The following ZNF229 variants were observed in gnomAD, a reference collection of about 807,000 sequenced individuals.
ZNF229 encodes zinc finger protein 229.
In ZNF229, 10 loss-of-function variants were observed where a neutral mutation model predicts 11.8. The observed-to-expected ratio is 0.85, with a 90% CI of 0.52 to 1.44. The LOEUF is 1.44. Ranked by LOEUF, ZNF229 falls within the 40% of genes most tolerant of loss-of-function variation. The probability of loss-of-function intolerance (pLI) is 0.00; values close to 1 mark genes in which losing one functional copy is unlikely to be tolerated. For synonymous variants in ZNF229, 368 were observed against 374.8 expected (o/e 0.98, Z 0.21); for missense variants, 1,045 against 1,015.1 (o/e 1.03, Z -0.40).
rs56092297 is a variant in ZNF229 at position 44,427,722 on chromosome 19, T to C, written c.*581A>G. On this transcript the variant is annotated 3_prime_UTR_variant, in exon 6 of 6. Coordinates refer to ENST00000614049, the MANE Select transcript of ZNF229 (RefSeq NM_014518.4). ...AAAGCTGTAAAGCTTACCTGCAAGA[T>C]AAAACAGTCATAAAAACATGATAAA... 0.025 allele frequency: 3,888 copies of C among 152,618 alleles called. 61 individuals are homozygous for C. The highest frequency in any genetic ancestry group is 0.065 in the Middle Eastern group (19 of 294). The allele number at this position is 152,618 out of a possible 1,614,324, so 9.5% of individuals were successfully genotyped here. A position where few individuals can be genotyped will look rare whatever the true frequency, so the allele number is the denominator to read the frequency against.
At chr19:44,438,856 C>T (rs959738750) in intron 4 of ZNF229, among the ~76,000 whole-genome samples, 3 of 152,228 alleles carry the variant, frequency 2.0e-5, no homozygotes, top group Non-Finnish European at 4.4e-5. Flanking sequence ...CCATGCATCT[C>T]TTCATCTGTA....
chr19:44,436,915 G>A lies in ZNF229; in HGVS notation c.94-4549C>T, dbSNP rs1971825247. 4.0e-5 allele frequency among the ~76,000 whole-genome samples: 6 copies of A among 151,842 alleles called. No individual in the cohort carries two copies. The South Asian group carries it at 1.2e-3, about 32-fold the overall frequency. On this transcript the variant is annotated intron_variant, in intron 4 of 5. Coordinates refer to ENST00000614049, the MANE Select transcript of ZNF229 (RefSeq NM_014518.4). ...ATTTGATATGTATACATACATATATGTGTGTGTATATATATATATTTTATA... is the reference window on the plus strand; with the variant it reads ...ATTTGATATGTATACATACATATATATGTGTGTATATATATATATTTTATA...
chr19:44,436,867 GCTGTATTTCCTT>G, intron 4 of ZNF229, among the ~76,000 whole-genome samples: 1 of 152,076 alleles, frequency 6.6e-6, no homozygotes. Flanking sequence ...TCAATCAATT[GCTGTATTTCCTT>G]CTGTCTTTGT....
At chr19:44,445,014 C>T (rs924951668) in intron 2 of ZNF229, among the ~76,000 whole-genome samples, 1 of 152,214 alleles carries the variant, frequency 6.6e-6, no homozygotes, top group African/African-American at 2.4e-5. Context: ...GCCATCTCCA[C>T]TCTTATGTCT....
At position 44,448,315 on chromosome 19, in the gene ZNF229, G is replaced by C. The variant is rs924170026; in HGVS notation, c.-272C>G. ...CCTTACACCCCTGCCTCACCAGGCC[G>C]AGCTCATGGAAATCCGTGGGCTTCG... is the stretch of plus-strand genomic sequence containing the variant. On this transcript the variant is annotated 5_prime_UTR_variant, in exon 1 of 6. Coordinates refer to ENST00000614049, the MANE Select transcript of ZNF229 (RefSeq NM_014518.4). The C allele has an allele frequency of 1.3e-5, 2 of 152,264 alleles. No individual in the cohort carries two copies. Among genetic ancestry groups the C allele is most frequent in the Non-Finnish European group, 2.9e-5 (2 of 68,110 alleles). 9.4% of individuals were successfully genotyped at this position (152,264 alleles called of 1,614,324 possible).
chr19:44,432,135 T>TA, intron 5 of ZNF229, 87 bp downstream of exon 5: 1 of 1,500,306 alleles, frequency 6.7e-7, no homozygotes, highest in Non-Finnish European at 8.9e-7. Context: ...AAGAGTTCTA[T>TA]AAAAATAGGA....
At chr19:44,432,421 C>T in intron 4 of ZNF229, 55 bp from the exon 5 acceptor site, 1 of 1,591,704 alleles carries the variant, frequency 6.3e-7, no homozygotes, top group Non-Finnish European at 8.5e-7. Context: ...AAACTGGTGT[C>T]CACAGAGCAG....
Position 44,442,615 on chromosome 19 carries a change from T to C in ZNF229, c.41A>G (p.His14Arg). 5 of 1,613,990 alleles carry C rather than the reference T, an allele frequency of 3.1e-6. No individual in the cohort carries two copies. The highest frequency in any genetic ancestry group is 3.4e-6 in the Non-Finnish European group (4 of 1,179,978). Residue 14 changes from histidine (H) to arginine (R), a missense_variant, in exon 4 of 6, where the codon CAT becomes CGT. His to Arg is a conservative substitution (Grantham distance 29, BLOSUM62 0). Transcript: ENST00000614049. ...LTSRHEKRAL[H>R]SQASAISQDR... The stretch of plus-strand genomic sequence containing the variant: ...TTGGGAAATGGCTGAGGCTTGAGAA[T>C]GAAGAGCTGTAGGAGGAGAAAGAGG...
At chr19:44,433,230 A>AT (rs1290328294) in intron 4 of ZNF229, among the ~76,000 whole-genome samples, 1 of 151,882 alleles carries the variant, frequency 6.6e-6, no homozygotes, top group African/African-American at 2.4e-5. Flanking sequence ...GCTAATTTTT[A>AT]TTTTTTTGTA....
intron 2 of ZNF229, among the ~76,000 whole-genome samples, chr19:44,444,504 C>T (rs1250376108): frequency 6.6e-6 from 1 of 152,156 alleles, no homozygotes; most frequent in Non-Finnish European, 1.5e-5. Flanking sequence ...CCCTCCTACA[C>T]AAAGGACAAA....
At position 44,430,324 on chromosome 19, in the gene ZNF229, T is replaced by G. The variant is rs375016098; in HGVS notation, c.457A>C (p.Ile153Leu). 4.2e-5 allele frequency: 67 copies of G among 1,613,928 alleles called. No individual in the cohort carries two copies. The highest frequency in any genetic ancestry group is 5.5e-5 in the Non-Finnish European group (65 of 1,180,002). ...TGTAGACTGTCCAGGAAATTCTCAATTGGAAAACACGGCGTAGATGCTCCT... is the reference window on the plus strand; with the variant it reads ...TGTAGACTGTCCAGGAAATTCTCAAGTGGAAAACACGGCGTAGATGCTCCT... Reference protein sequence around the residue: ...WEGASTPCFPIENFLDSLQGD... With the variant: ...WEGASTPCFPLENFLDSLQGD... Residue 153 changes from isoleucine (I) to leucine (L), a missense_variant, in exon 6 of 6, where the codon ATT becomes CTT. Transcript: ENST00000614049.
chr19:44,428,140 T>G lies in ZNF229; in HGVS notation c.*163A>C, dbSNP rs79232370. 1.8e-3 allele frequency: 1,326 copies of G among 732,016 alleles called. 5 individuals are homozygous for G. The highest frequency in any genetic ancestry group is 2.5e-3 in the South Asian group (117 of 47,064). 45.3% of individuals were successfully genotyped at this position (732,016 alleles called of 1,614,324 possible). A position where few individuals can be genotyped will look rare whatever the true frequency, so the allele number is the denominator to read the frequency against. ...TTTGTAACTGAAGTGCTAACCTATT[T>G]ATCACACATCCAGGTGTTCCCTTCC... On this transcript the variant is annotated 3_prime_UTR_variant, in exon 6 of 6. Coordinates refer to ENST00000614049, the MANE Select transcript of ZNF229 (RefSeq NM_014518.4).
At chr19:44,442,126 CTTTTTTT>C (rs1482169893) in intron 4 of ZNF229, among the ~76,000 whole-genome samples, 2 of 114,706 alleles carry the variant, frequency 1.7e-5, no homozygotes, top group Non-Finnish European at 3.7e-5. Flanking sequence ...ATATGTTTTT[CTTTTTTT>C]AACTTTGTGC....
chr19:44,446,716 GA>G (rs1972008844), intron 2 of ZNF229, among the ~76,000 whole-genome samples: 1 of 152,182 alleles, frequency 6.6e-6, no homozygotes, highest in Non-Finnish European at 1.5e-5. Context: ...AATTAAGATG[GA>G]AAAGGTAATT....
chr19:44,432,818 T>C (rs1971749456), intron 4 of ZNF229, among the ~76,000 whole-genome samples: 2 of 151,944 alleles, frequency 1.3e-5, no homozygotes, highest in African/African-American at 2.4e-5. Flanking sequence ...TGTGCACATG[T>C]ACCCTAAAAC....
intron 4 of ZNF229, 119 bp from the exon 5 acceptor site, chr19:44,432,485 T>C (rs1007146074): frequency 1.3e-5 from 18 of 1,406,396 alleles, no homozygotes; most frequent in African/African-American, 3.1e-5. Flanking sequence ...GTGGCACATA[T>C]ACACCATGGA....
intron 4 of ZNF229, among the ~76,000 whole-genome samples, chr19:44,435,360 A>C (rs1971794384): frequency 6.6e-6 from 1 of 152,204 alleles, no homozygotes; most frequent in Non-Finnish European, 1.5e-5. Flanking sequence ...GCTAAGACTT[A>C]CTACGGTGAA....
Position 44,428,490 on chromosome 19 carries a change from C to T in ZNF229, c.2291G>A (p.Gly764Asp). Reference sequence around the variant, plus strand: ...CTCCTCACATTTATAGGGTTTCTCACCAGTGTGGACCCTCTGATGACCTTG... The same window carrying T: ...CTCCTCACATTTATAGGGTTTCTCATCAGTGTGGACCCTCTGATGACCTTG... ...HLQGHQRVHT[G>D]EKPYKCEECG... The change falls in exon 6 of 6, where the codon GGT becomes GAT. Residue 764 changes from glycine to aspartate, a missense_variant. Coordinates refer to ENST00000614049, the MANE Select transcript of ZNF229 (RefSeq NM_014518.4). 6.2e-7 allele frequency: 1 copy of T among 1,614,038 alleles called. No individual in the cohort carries two copies. The highest frequency in any genetic ancestry group is 8.5e-7 in the Non-Finnish European group (1 of 1,180,020).
chr19:44,445,538 T>C (rs1366773093), intron 2 of ZNF229, among the ~76,000 whole-genome samples: 1 of 152,154 alleles, frequency 6.6e-6, no homozygotes, highest in Non-Finnish European at 1.5e-5. Context: ...TCTCTTTGCC[T>C]TTTTCATCAG....
Sources: gnomAD v4.1 joint callset for allele counts (sites outside exome capture counted in the v4.1 genomes callset) on GRCh38, gnomAD v4.1.1 for gene constraint, MANE v1.5 for transcripts, NCBI Gene and HGNC (gene_info 2026-07-23, HGNC 2026-07-21) for gene names.